POU6F2: variants seen among roughly 807,000 people sequenced by gnomAD.
POU6F2 encodes the protein POU domain, class 6, transcription factor 2.
In POU6F2, 31 loss-of-function variants were observed where a neutral mutation model predicts 71.3. That is an observed-to-expected ratio of 0.43 (90% confidence interval 0.33 to 0.59). The LOEUF (loss-of-function observed/expected upper bound fraction) is 0.59, where lower values mean the gene tolerates loss of function less well. Ranked by LOEUF, POU6F2 falls within the 20% of genes least tolerant of loss-of-function variation. The pLI, the probability that POU6F2 is intolerant of heterozygous loss-of-function variation, is 0.04. For synonymous variants in POU6F2, 347 were observed against 355.7 expected, an observed-to-expected ratio of 0.98 and a Z score of 0.27; for missense variants, 783 against 856.8, an observed-to-expected ratio of 0.91 and a Z score of 1.07.
intron 7 of POU6F2, among the ~76,000 whole-genome samples, chr7:39,449,869 T>C (rs1034882897): frequency 1.4e-4 from 21 of 152,048 alleles, no homozygotes; most frequent in African/African-American, 4.1e-4. Flanking sequence ...GAAGAGTACA[T>C]ATTGTATGAT....
At chr7:38,985,064 A>G (rs899615186) in intron 1 of POU6F2, 17 of 152,126 alleles carry the variant, frequency 1.1e-4, no homozygotes, top group African/African-American at 3.9e-4. Flanking sequence ...GGATACCAGA[A>G]GCCGTAATTG....
intron 1 of POU6F2, among the ~76,000 whole-genome samples, chr7:39,018,028 G>A (rs942000764): frequency 1.3e-5 from 2 of 152,040 alleles, no homozygotes; most frequent in Non-Finnish European, 2.9e-5. Context: ...CAAACTTACG[G>A]TGATAGCAGG....
At chr7:39,292,028 C>T (rs546904569) in intron 4 of POU6F2, among the ~76,000 whole-genome samples, 119 of 115,904 alleles carry the variant, frequency 1.0e-3, no homozygotes, top group African/African-American at 3.2e-3. Flanking sequence ...ATGGGATACT[C>T]AGAAGGGGGA....
intron 4 of POU6F2, among the ~76,000 whole-genome samples, chr7:39,265,744 T>TTA (rs1784227420): frequency 6.6e-6 from 1 of 152,182 alleles, no homozygotes; most frequent in Non-Finnish European, 1.5e-5. Flanking sequence ...CAGACATCAA[T>TTA]TACAACCAGT....
intron 4 of POU6F2, among the ~76,000 whole-genome samples, chr7:39,219,950 A>G (rs1472386613): frequency 6.6e-6 from 1 of 152,222 alleles, no homozygotes. Flanking sequence ...AATAAATAAT[A>G]GAGATAAAAT....
chr7:39,099,970 G>T (rs1242246391), intron 2 of POU6F2, among the ~76,000 whole-genome samples: 6 of 152,206 alleles, frequency 3.9e-5, no homozygotes, highest in African/African-American at 1.2e-4. Context: ...GATGTAGAGA[G>T]CATAAGCTTT....
At chr7:39,277,772 TC>T (rs1371204000) in intron 4 of POU6F2, among the ~76,000 whole-genome samples, 4 of 151,664 alleles carry the variant, frequency 2.6e-5, no homozygotes, top group Non-Finnish European at 2.9e-5. Flanking sequence ...TAGAAAAAGG[TC>T]GGGGGCCAGG....
At chr7:39,275,503 T>C (rs915757759) in intron 4 of POU6F2, among the ~76,000 whole-genome samples, 2 of 152,130 alleles carry the variant, frequency 1.3e-5, no homozygotes, top group African/African-American at 4.8e-5. Flanking sequence ...TTCAGTGTCA[T>C]CCCCATCAAG....
intron 2 of POU6F2, among the ~76,000 whole-genome samples, chr7:39,112,979 A>T (rs1001497779): frequency 6.6e-6 from 1 of 152,186 alleles, no homozygotes; most frequent in African/African-American, 2.4e-5. Context: ...ACAAAAAAAA[A>T]ATTATTTCCA....
At chr7:39,168,259 C>T (rs923348224) in intron 2 of POU6F2, among the ~76,000 whole-genome samples, 4 of 152,032 alleles carry the variant, frequency 2.6e-5, no homozygotes, top group African/African-American at 7.2e-5. Flanking sequence ...TAAAATTGTC[C>T]GAACATTTTT....
At chr7:39,280,472 A>C (rs1235674010) in intron 4 of POU6F2, among the ~76,000 whole-genome samples, 1 of 152,260 alleles carries the variant, frequency 6.6e-6, no homozygotes, top group African/African-American at 2.4e-5. Flanking sequence ...TCCAAGATTA[A>C]AGATTCAAAC....
chr7:39,356,170 G>C (rs184411823), intron 5 of POU6F2, among the ~76,000 whole-genome samples: 1 of 152,170 alleles, frequency 6.6e-6, no homozygotes, highest in Non-Finnish European at 1.5e-5. Flanking sequence ...CTTCCTAAAA[G>C]AACATTTAGT....
chr7:39,344,191 A>G (rs1361086513), intron 5 of POU6F2, among the ~76,000 whole-genome samples: 1 of 152,158 alleles, frequency 6.6e-6, no homozygotes, highest in Non-Finnish European at 1.5e-5. Flanking sequence ...TCTATTGCAC[A>G]TTTTAATAAA....
Position 39,277,612 on chromosome 7 carries a change from G to A in POU6F2, c.599-62030G>A, listed in dbSNP as rs1034515456. 2.0e-5 allele frequency among the ~76,000 whole-genome samples: 3 copies of A among 152,142 alleles called. No individual in the cohort carries two copies. The East Asian group carries it at 5.8e-4, about 29-fold the overall frequency. On this transcript the variant is annotated intron_variant, in intron 4 of 9. Coordinates refer to ENST00000518318, the MANE Select transcript of POU6F2 (RefSeq NM_001370959.1). ...GAGTGTCTAGGATGTCAGATCCTTTGTCATCATCAATTGAGCGGGGAAAGA... is the reference window on the plus strand; with the variant it reads ...GAGTGTCTAGGATGTCAGATCCTTTATCATCATCAATTGAGCGGGGAAAGA...
Position 39,207,513 on chromosome 7 carries a change from A to G in POU6F2, c.491A>G (p.Gln164Arg), listed in dbSNP as rs1794042739. Reference protein sequence around the residue: ...FNMAGQLGGQQGLVLTLPTAN... With the variant: ...FNMAGQLGGQRGLVLTLPTAN... ...ATGGCGGGACAGCTAGGAGGCCAGC[A>G]AGGACTGGTTCTCACACTGCCAACA... The change falls in exon 4 of 10, where the codon CAA becomes CGA. Residue 164 changes from glutamine to arginine, a missense_variant. By Grantham distance (43) the Gln-to-Arg change is conservative. This residue lies in a region of POU6F2 where 572 missense variants were observed against 572.9 expected (regional missense o/e 1.00). Coordinates refer to ENST00000518318, the MANE Select transcript of POU6F2 (RefSeq NM_001370959.1). 3 of 1,613,928 alleles carry G rather than the reference A, an allele frequency of 1.9e-6. No individual in the cohort carries two copies. The highest frequency in any genetic ancestry group is 4.5e-5 in the East Asian group (2 of 44,886).
intron 1 of POU6F2, among the ~76,000 whole-genome samples, chr7:39,065,842 T>G (rs1414035465): frequency 6.6e-6 from 1 of 151,616 alleles, no homozygotes; most frequent in Non-Finnish European, 1.5e-5. Context: ...GTACAGATAA[T>G]TTTACTAGTA....
chr7:39,020,894 T>C (rs1298288649), intron 1 of POU6F2, among the ~76,000 whole-genome samples: 2 of 152,076 alleles, frequency 1.3e-5, no homozygotes, highest in Non-Finnish European at 2.9e-5. Context: ...ATAGTAATAT[T>C]GCCACCTGCT....
chr7:39,437,536 T>A (rs1295464590), intron 7 of POU6F2, among the ~76,000 whole-genome samples: 3 of 152,122 alleles, frequency 2.0e-5, no homozygotes, highest in Non-Finnish European at 2.9e-5. Context: ...ATCTAGCTAG[T>A]GGTCTACCTA....
chr7:39,434,032 G>C (rs573701672), intron 7 of POU6F2, among the ~76,000 whole-genome samples: 2 of 152,330 alleles, frequency 1.3e-5, no homozygotes, highest in East Asian at 3.9e-4. Flanking sequence ...TTGTGCAGTA[G>C]AGCAGAGACT....
Sources: allele counts gnomAD v4.1 joint callset (sites outside exome capture counted in the v4.1 genomes callset), GRCh38; gene constraint gnomAD v4.1.1; regional missense constraint gnomAD v4.1.1; transcripts MANE v1.5; gene names NCBI Gene and HGNC (gene_info 2026-07-23, HGNC 2026-07-21).